Variants in SUN5 observed in about 807,000 individuals in gnomAD.
The protein encoded by SUN5 is Sad1 and UNC84 domain containing 5.
In SUN5, 44 loss-of-function variants were observed where a neutral mutation model predicts 53.7. That is an observed-to-expected ratio of 0.82 (90% CI 0.64 to 1.05). The LOEUF (loss-of-function observed/expected upper bound fraction) is 1.05, where lower values mean the gene tolerates loss of function less well. Ranked by LOEUF, SUN5 falls within the 50% of genes least tolerant of loss-of-function variation. SUN5 has a pLI of 0.00. For missense variants in SUN5, 433 were observed against 483.8 expected, an observed-to-expected ratio of 0.90 and a Z score of 0.98; for synonymous variants, 166 against 179.8, an observed-to-expected ratio of 0.92 and a Z score of 0.62.
intron 10 of SUN5, among the ~76,000 whole-genome samples, chr20:32,987,080 T>C (rs1046406865): frequency 6.6e-6 from 1 of 152,186 alleles, no homozygotes; most frequent in Non-Finnish European, 1.5e-5. Context: ...TCTCAGCCAG[T>C]GTTCACTGAA....
At chr20:32,989,077 C>T (rs1989628908) in intron 9 of SUN5, among the ~76,000 whole-genome samples, 1 of 152,132 alleles carries the variant, frequency 6.6e-6, no homozygotes, top group Non-Finnish European at 1.5e-5. Flanking sequence ...AGGCGCCCAC[C>T]ACCACGCTCA....
At chr20:32,990,482 C>A (rs548085925) in intron 8 of SUN5, among the ~76,000 whole-genome samples, 1 of 152,290 alleles carries the variant, frequency 6.6e-6, no homozygotes, top group East Asian at 1.9e-4. Flanking sequence ...GGGGTCTAAG[C>A]TCCCTTCCCA....
chr20:33,001,519 C>CTTTCTTCCTTTCTTTCTTTCTTTCT (rs68051515), intron 3 of SUN5, among the ~76,000 whole-genome samples: 1 of 121,324 alleles, frequency 8.2e-6, no homozygotes, highest in African/African-American at 3.5e-5. Context: ...TTCTTTCTTT[C>CTTTCTTCCTTTCTTTCTTTCTTTCT]TTCTTTCTTT....
intron 9 of SUN5, among the ~76,000 whole-genome samples, chr20:32,988,351 G>C (rs1989606886): frequency 6.6e-6 from 1 of 152,144 alleles, no homozygotes; most frequent in African/African-American, 2.4e-5. Context: ...TGGAGGTGCT[G>C]CCTGGTAGGG....
At position 32,995,619 on chromosome 20, in the gene SUN5, C is replaced by A. The variant is rs1333676619; in HGVS notation, c.534G>T (p.Glu178Asp). 6.2e-7 allele frequency: 1 copy of A among 1,613,942 alleles called. No individual in the cohort carries two copies. Residue 178 changes from glutamate to aspartate, a missense_variant and splice_region_variant, in exon 8 of 13, where the codon GAG (glutamate) becomes GAT (aspartate). Transcript: ENST00000356173. ...TGGGGCAGAATGGCCAGCGTCTCAC[C>A]TCATCGGACATGGCTTCCATCTCCT... ...KLQEMEAMSD[E>D]QKMAQKIMKM...
chr20:33,001,501 C>T (rs1990008921), intron 3 of SUN5, among the ~76,000 whole-genome samples: 1 of 41,548 alleles, frequency 2.4e-5, no homozygotes, highest in Non-Finnish European at 4.6e-5. Context: ...TGGCAGTTAA[C>T]AGACATTTTC....
intron 8 of SUN5, among the ~76,000 whole-genome samples, chr20:32,993,963 G>A (rs6141357): frequency 0.34 from 52,322 of 151,956 alleles, 9,667 homozygotes; most frequent in East Asian, 0.79. Flanking sequence ...ATCAATCCTG[G>A]GCACAATTAG....
intron 8 of SUN5, among the ~76,000 whole-genome samples, chr20:32,995,369 A>C (rs181074350): frequency 1.3e-5 from 2 of 152,360 alleles, no homozygotes; most frequent in East Asian, 3.9e-4. Flanking sequence ...CAACATTCTC[A>C]GGAGAAACTA....
rs1989526136 is a variant in SUN5, at chr20:32,985,902, G to A, written c.731C>T (p.Pro244Leu). The part of the protein sequence containing the change: ...YAQPPDVILE[P>L]NVTPGNCWAF... ...CCAGCAATTGCCAGGTGTCACGTTG[G>A]GCTAGAAGAGGCAAGTACAATAAGG... The change falls in exon 11 of 13, where the codon CCC (proline) becomes CTC (leucine). Residue 244 changes from proline to leucine, a missense_variant and splice_region_variant. Transcript: ENST00000356173. 6.2e-7 allele frequency: 1 copy of A among 1,613,368 alleles called. No homozygotes were observed. Among genetic ancestry groups the A allele is most frequent in the African/African-American group, 1.3e-5 (1 of 74,906 alleles).
chr20:33,002,305 T>C (rs1367290323), intron 3 of SUN5, among the ~76,000 whole-genome samples: 1 of 152,090 alleles, frequency 6.6e-6, no homozygotes, highest in African/African-American at 2.4e-5. Flanking sequence ...AACAGGTGGA[T>C]GGATGGGTGA....
At chr20:32,995,538 G>A in intron 8 of SUN5, 81 bp downstream of exon 8, 1 of 1,242,648 alleles carries the variant, frequency 8.0e-7, no homozygotes, top group Non-Finnish European at 1.2e-6. Context: ...ATAAAACCAA[G>A]AAAGAACACT....
chr20:32,985,500 T>C (rs1348665968), intron 11 of SUN5, among the ~76,000 whole-genome samples: 1 of 151,960 alleles, frequency 6.6e-6, no homozygotes, highest in African/African-American at 2.4e-5. Flanking sequence ...CTCCATGGTC[T>C]CTGAAGATTA....
intron 1 of SUN5, among the ~76,000 whole-genome samples, chr20:33,003,456 C>T (rs1385292658): frequency 6.6e-6 from 1 of 152,070 alleles, no homozygotes; most frequent in Admixed American, 6.5e-5. Flanking sequence ...CATCTTGTGA[C>T]CATGAGAGGG....
Position 33,004,324 on chromosome 20 carries a change from C to T in SUN5, c.17G>A (p.Arg6Lys). The stretch of plus-strand genomic sequence containing the variant: ...TAGGGCGCCTGGGTCCCCAGGGCTC[C>T]TTGAGGACCGTGGCATCGATTTCCT... Reference protein sequence around the residue: MPRSSRSPGDPGALLE... With the variant: MPRSSKSPGDPGALLE... The change falls in exon 1 of 13, where the codon AGG (arginine) becomes AAG (lysine). Residue 6 changes from arginine (R) to lysine (K), a missense_variant. Arg to Lys is a conservative substitution (Grantham distance 26). Transcript: ENST00000356173. 1.3e-6 allele frequency: 2 copies of T among 1,570,514 alleles called. No individual in the cohort carries two copies. Among genetic ancestry groups the T allele is most frequent in the Non-Finnish European group, 1.7e-6 (2 of 1,157,426 alleles).
chr20:32,992,191 C>A (rs962986056), intron 8 of SUN5, among the ~76,000 whole-genome samples: 6 of 152,146 alleles, frequency 3.9e-5, no homozygotes, highest in African/African-American at 1.4e-4. Flanking sequence ...CCTTGGCTAC[C>A]CACTAGATGC....
intron 12 of SUN5, 124 bp downstream of exon 12, chr20:32,984,975 C>T: frequency 1.0e-6 from 1 of 994,646 alleles, no homozygotes; most frequent in Non-Finnish European, 1.5e-6. Flanking sequence ...CCTTGCCTGT[C>T]AAACAGGTTA....
intron 4 of SUN5, 41 bp from the exon 5 acceptor site, chr20:33,000,176 G>T (rs1185268577): frequency 1.3e-6 from 2 of 1,570,402 alleles, no homozygotes; most frequent in South Asian, 1.2e-5. Context: ...GGTGGGCAAG[G>T]CCCTGCCAAG....
intron 9 of SUN5, 54 bp from the exon 10 acceptor site, chr20:32,987,829 G>A (rs1989589213): frequency 6.9e-7 from 1 of 1,449,448 alleles, no homozygotes; most frequent in East Asian, 2.3e-5. Flanking sequence ...CCTGGTGGAG[G>A]GGACGCCACT....
chr20:32,999,080 AAG>A (rs898627702), intron 5 of SUN5, among the ~76,000 whole-genome samples: 37 of 152,256 alleles, frequency 2.4e-4, no homozygotes, highest in African/African-American at 8.4e-4. Flanking sequence ...TCATGCAGAA[AAG>A]AGTTAAACTA....
Sources: gnomAD v4.1 joint callset for allele counts (sites outside exome capture counted in the v4.1 genomes callset) on GRCh38, gnomAD v4.1.1 for gene constraint, MANE v1.5 for transcripts, NCBI Gene and HGNC (gene_info 2026-07-23, HGNC 2026-07-21) for gene names.